EGFR: variants seen among roughly 807,000 people sequenced by gnomAD.
EGFR encodes avian erythroblastic leukemia viral (v-erb-b) oncogene homolog.
In EGFR, 58 loss-of-function variants were observed where a neutral mutation model predicts 143.0. That is an observed-to-expected ratio of 0.41 (90% confidence interval 0.33 to 0.50). The LOEUF is 0.50. EGFR is among the 20% of genes least tolerant of loss of function. The probability of loss-of-function intolerance (pLI) is 0.39; values close to 1 mark genes in which losing one functional copy is unlikely to be tolerated. For synonymous variants in EGFR, 613 were observed against 594.4 expected (o/e 1.03, Z -0.45); for missense variants, 1,307 against 1,579.0 (o/e 0.83, Z 2.92).
At chr7:55,203,919 A>G (rs1440700064) in intron 27 of EGFR, among the ~76,000 whole-genome samples, 1 of 151,174 alleles carries the variant, frequency 6.6e-6, no homozygotes, top group East Asian at 1.9e-4. Context: ...TCTATGTCAT[A>G]TATATCAAAA....
intron 4 of EGFR, among the ~76,000 whole-genome samples, chr7:55,149,833 T>C (rs753066508): frequency 2.0e-5 from 3 of 152,234 alleles, no homozygotes; most frequent in Non-Finnish European, 2.9e-5. Flanking sequence ...GCCATGCTAT[T>C]GATAATCATG....
At chr7:55,115,993 C>T (rs1241115069) in intron 1 of EGFR, among the ~76,000 whole-genome samples, 3 of 152,132 alleles carry the variant, frequency 2.0e-5, no homozygotes, top group Non-Finnish European at 4.4e-5. Flanking sequence ...TTCCTAGGCA[C>T]GGGTTACAGT....
Position 55,157,898 on chromosome 7 carries a change from A to C in EGFR, c.1298+145A>C. 3 of 838,790 alleles carry C rather than the reference A, an allele frequency of 3.6e-6. No homozygotes were observed. In the East Asian group the frequency reaches 8.0e-5, roughly 22 times the overall value. 52.0% of individuals were successfully genotyped at this position (838,790 alleles called of 1,614,324 possible). ...CAAATGCTATCTCACATGAGCAGGC[A>C]CAGGGAGCAAGACTGCACGACCACT... is the stretch of plus-strand genomic sequence containing the variant. On this transcript the variant is annotated intron_variant, in intron 11 of 27. Coordinates refer to ENST00000275493, the MANE Select transcript of EGFR (RefSeq NM_005228.5).
chr7:55,041,608 C>T (rs766520728), intron 1 of EGFR, among the ~76,000 whole-genome samples: 4 of 152,240 alleles, frequency 2.6e-5, no homozygotes, highest in East Asian at 3.9e-4. Flanking sequence ...TATTTGCTAA[C>T]GAGCATCAAT....
chr7:55,181,624 A>T, intron 20 of EGFR, 146 bp downstream of exon 20: 1 of 959,414 alleles, frequency 1.0e-6, no homozygotes. Context: ...TTTTGGATTC[A>T]ATCAAGTTGA....
intron 1 of EGFR, among the ~76,000 whole-genome samples, chr7:55,079,233 A>G (rs61389615): frequency 0.027 from 4,131 of 152,266 alleles, 120 homozygotes; most frequent in African/African-American, 0.071. Context: ...AGGAGAGGCC[A>G]GGCACGGGGT....
chr7:55,064,484 G>C (rs1332077085), intron 1 of EGFR, among the ~76,000 whole-genome samples: 1 of 152,150 alleles, frequency 6.6e-6, no homozygotes, highest in Non-Finnish European at 1.5e-5. Flanking sequence ...CCCCACTTTT[G>C]AAATACACAC....
chr7:55,197,836 C>T (rs987753111), intron 22 of EGFR, among the ~76,000 whole-genome samples: 2 of 152,190 alleles, frequency 1.3e-5, no homozygotes, highest in African/African-American at 4.8e-5. Context: ...TCTTGCATCC[C>T]AGGGATGAAG....
intron 1 of EGFR, among the ~76,000 whole-genome samples, chr7:55,049,848 C>G (rs1334779083): frequency 6.6e-6 from 1 of 152,206 alleles, no homozygotes. Context: ...GATCTAGACT[C>G]TAGCCTGAGA....
intron 1 of EGFR, among the ~76,000 whole-genome samples, chr7:55,103,205 G>A: frequency 6.6e-6 from 1 of 152,180 alleles, no homozygotes; most frequent in Non-Finnish European, 1.5e-5. Context: ...GGTGAACTTT[G>A]AGAGCATCCA....
chr7:55,199,343 T>G (rs1787750362), intron 23 of EGFR, among the ~76,000 whole-genome samples: 1 of 152,136 alleles, frequency 6.6e-6, no homozygotes, highest in Non-Finnish European at 1.5e-5. Flanking sequence ...TAAATAAGAG[T>G]GTGTAATTTG....
rs560687981 is a variant in EGFR at position 55,118,754 on chromosome 7, C to T, written c.89-23532C>T. On this transcript the variant is annotated intron_variant, in intron 1 of 27. Coordinates refer to ENST00000275493, the MANE Select transcript of EGFR (RefSeq NM_005228.5). ...AGATCCACAGAGAAGTGTCCCAGGG[C>T]GGGCGGGAACCAGGACTGCACAGGG... Among the ~76,000 whole-genome samples, 78 of 152,064 alleles carry T rather than the reference C, an allele frequency of 5.1e-4. 2 individuals are homozygous for T. The South Asian group carries it at 0.016, about 31-fold the overall frequency.
chr7:55,094,079 G>C (rs192263000), intron 1 of EGFR, among the ~76,000 whole-genome samples: 1 of 152,274 alleles, frequency 6.6e-6, no homozygotes, highest in Admixed American at 6.5e-5. Context: ...CTGCCTCCTT[G>C]AAGTCAAATT....
chr7:55,019,382 C>G lies in EGFR; in HGVS notation c.88+17C>G, dbSNP rs772080717. 1.4e-6 allele frequency: 2 copies of G among 1,408,562 alleles called. No homozygotes were observed. Among genetic ancestry groups the G allele is most frequent in the East Asian group, 6.6e-5 (2 of 30,276 alleles). 87.3% of individuals were successfully genotyped at this position (1,408,562 alleles called of 1,614,324 possible). On this transcript the variant is annotated intron_variant, in intron 1 of 27. Transcript: ENST00000275493. The stretch of plus-strand genomic sequence containing the variant: ...AAAAGAAAGGTAAGGGCGTGTCTCG[C>G]CGGCTCCCGCGCCGCCCCCGGATCG...
At chr7:55,026,400 G>T (rs1786887168) in intron 1 of EGFR, among the ~76,000 whole-genome samples, 1 of 152,086 alleles carries the variant, frequency 6.6e-6, no homozygotes, top group South Asian at 2.1e-4. Context: ...ATAACTATAG[G>T]GTCTGGCTCG....
intron 1 of EGFR, among the ~76,000 whole-genome samples, chr7:55,092,034 C>G (rs190300275): frequency 4.4e-4 from 66 of 150,444 alleles, no homozygotes; most frequent in Middle Eastern, 3.5e-3. Context: ...AAAAAAAATT[C>G]TGGTTGCAGC....
At chr7:55,117,439 A>G (rs1792930313) in intron 1 of EGFR, among the ~76,000 whole-genome samples, 1 of 152,212 alleles carries the variant, frequency 6.6e-6, no homozygotes, top group African/African-American at 2.4e-5. Flanking sequence ...TGTTATAGGT[A>G]AGCTGCAGAA....
chr7:55,032,544 G>A lies in EGFR; in HGVS notation c.88+13179G>A, dbSNP rs760727192. Among the ~76,000 whole-genome samples the A allele has an allele frequency of 1.1e-4, 17 of 152,258 alleles. No individual in the cohort carries two copies. In the South Asian group the frequency reaches 1.9e-3, roughly 17 times the overall value. ...AACTGAATGAGGACGCAGATGACCC[G>A]GACGTGTTCACAGTTTGACACATCT... On this transcript the variant is annotated intron_variant, in intron 1 of 27. Transcript: ENST00000275493.
rs531625587 is a variant in EGFR at position 55,142,961 on chromosome 7, T to C, written c.241-344T>C. Among the ~76,000 whole-genome samples the C allele has an allele frequency of 1.1e-3, 171 of 152,372 alleles. 1 individual carries two copies. The highest frequency in any genetic ancestry group is 2.5e-3 in the Admixed American group (38 of 15,308). On this transcript the variant is annotated intron_variant, in intron 2 of 27. Coordinates refer to ENST00000275493, the MANE Select transcript of EGFR (RefSeq NM_005228.5). ...TCTGTTTTTCTTTTACCTTTCCTTT[T>C]TAAATAAGAAATAATGCAAGACAGA...
Sources: gnomAD v4.1 joint callset for allele counts (sites outside exome capture counted in the v4.1 genomes callset) on GRCh38, gnomAD v4.1.1 for gene constraint, MANE v1.5 for transcripts, NCBI Gene and HGNC (gene_info 2026-07-23, HGNC 2026-07-21) for gene names.